The following MYO5A variants were observed in gnomAD, a reference collection of about 807,000 sequenced individuals.
MYO5A encodes myosin VA.
In MYO5A, 98 loss-of-function variants were observed where a neutral mutation model predicts 249.7. The ratio of observed to expected loss-of-function variants is 0.39; its 90% CI spans 0.33 to 0.46. MYO5A has a LOEUF of 0.46. MYO5A is among the 20% of genes least tolerant of loss of function. The pLI is 0.98. For synonymous variants in MYO5A, 778 were observed against 810.6 expected (o/e 0.96, Z 0.68); for missense variants, 1,696 against 2,308.8 (o/e 0.73, Z 5.44).
In MYO5A at chr15:52,311,577, T is replaced by C. The variant is rs925794877; in HGVS notation, c.*2119A>G. 2.0e-5 allele frequency: 3 copies of C among 152,206 alleles called. No homozygotes were observed. The highest frequency in any genetic ancestry group is 4.8e-5 in the African/African-American group (2 of 41,442). The allele number at this position is 152,206 out of a possible 1,614,324, so 9.4% of individuals were successfully genotyped here. ...TAAACTAATTATAATACAAATATAG[T>C]AGGACCTTCTAAAAGCATGTACATA... On this transcript the variant is annotated 3_prime_UTR_variant, in exon 42 of 42. Coordinates refer to ENST00000399233, the MANE Select transcript of MYO5A (RefSeq NM_001382347.1).
At chr15:52,397,982 A>C (rs906511497) in intron 9 of MYO5A, among the ~76,000 whole-genome samples, 1 of 152,222 alleles carries the variant, frequency 6.6e-6, no homozygotes, top group East Asian at 1.9e-4. Context: ...AGTTGCCTTG[A>C]GAAAAGGAAG....
intron 5 of MYO5A, chr15:52,415,902 G>A (rs115518387): frequency 5.8e-4 from 303 of 522,832 alleles, no homozygotes; most frequent in African/African-American, 5.2e-3. Context: ...AATTTTGCTG[G>A]TAGGTCAAAA....
chr15:52,511,340 A>C (rs1280205909), intron 1 of MYO5A, among the ~76,000 whole-genome samples: 1 of 152,264 alleles, frequency 6.6e-6, no homozygotes, highest in East Asian at 1.9e-4. Context: ...ACTCCTTTTC[A>C]GATCTTTCCA....
chr15:52,375,594 G>T, intron 19 of MYO5A, 134 bp from the exon 20 acceptor site: 1 of 943,610 alleles, frequency 1.1e-6, no homozygotes, highest in Non-Finnish European at 1.6e-6. Context: ...TAATGTGCAT[G>T]CTAAGTCAAC....
At chr15:52,528,716 C>G in intron 1 of MYO5A, 64 bp downstream of exon 1, 1 of 1,477,694 alleles carries the variant, frequency 6.8e-7, no homozygotes, top group Non-Finnish European at 8.9e-7. Context: ...CCCTCCCCAG[C>G]CTGACAGCTG....
chr15:52,436,897 G>C (rs1282808877), intron 1 of MYO5A, among the ~76,000 whole-genome samples: 1 of 152,180 alleles, frequency 6.6e-6, no homozygotes, highest in Non-Finnish European at 1.5e-5. Flanking sequence ...TCTACTCCCA[G>C]GGCCACCAGA....
At chr15:52,327,551 T>A (rs928872306) in intron 36 of MYO5A, among the ~76,000 whole-genome samples, 2 of 151,898 alleles carry the variant, frequency 1.3e-5, no homozygotes, top group Admixed American at 6.6e-5. Flanking sequence ...CTACAAAACA[T>A]AAAAAATTAG....
chr15:52,385,501 CAGA>C (rs1382656698), intron 14 of MYO5A, among the ~76,000 whole-genome samples: 5 of 151,948 alleles, frequency 3.3e-5, no homozygotes, highest in African/African-American at 1.2e-4. Flanking sequence ...GATGTGGCCA[CAGA>C]AGATTTCTTT....
chr15:52,353,711 A>G (rs780516408), intron 26 of MYO5A, 53 bp from the exon 27 acceptor site: 2 of 1,594,682 alleles, frequency 1.3e-6, no homozygotes, highest in Non-Finnish European at 1.7e-6. Context: ...TACTCTTAAA[A>G]TATTTACTTG....
At chr15:52,330,627 C>G in intron 34 of MYO5A, 128 bp from the exon 35 acceptor site, 1 of 1,081,382 alleles carries the variant, frequency 9.2e-7, no homozygotes, top group Admixed American at 2.4e-5. Context: ...ACTTAATTGC[C>G]TTCTCTTAAA....
intron 34 of MYO5A, among the ~76,000 whole-genome samples, chr15:52,336,077 G>A (rs550847089): frequency 7.9e-5 from 12 of 152,128 alleles, no homozygotes; most frequent in Non-Finnish European, 1.6e-4. Context: ...GAAAGCACAG[G>A]CATACAGAGG....
chr15:52,477,380 C>G (rs181586651), intron 1 of MYO5A, among the ~76,000 whole-genome samples: 1 of 152,094 alleles, frequency 6.6e-6, no homozygotes, highest in African/African-American at 2.4e-5. Context: ...ACTGATCTTC[C>G]GAAGCCTTCT....
At chr15:52,520,007 G>A (rs971153656) in intron 1 of MYO5A, among the ~76,000 whole-genome samples, 1 of 152,220 alleles carries the variant, frequency 6.6e-6, no homozygotes, top group Middle Eastern at 3.4e-3. Context: ...GAGGATTACA[G>A]GCATGAGCCA....
At chr15:52,506,979 AAG>A in intron 1 of MYO5A, among the ~76,000 whole-genome samples, 1 of 152,364 alleles carries the variant, frequency 6.6e-6, no homozygotes, top group East Asian at 1.9e-4. Flanking sequence ...GGATGGAAGA[AAG>A]AGAGTATATA....
chr15:52,343,013 A>C, intron 31 of MYO5A, 104 bp downstream of exon 31: 2 of 911,770 alleles, frequency 2.2e-6, no homozygotes, highest in East Asian at 4.8e-5. Flanking sequence ...TTACCCAAGA[A>C]GACAATCAAT....
At chr15:52,318,195 C>A (rs143474872) in intron 39 of MYO5A, among the ~76,000 whole-genome samples, 351 of 151,084 alleles carry the variant, frequency 2.3e-3, no homozygotes, top group African/African-American at 8.3e-3. Flanking sequence ...GTGGCTCACA[C>A]CTGTAATCCC....
intron 1 of MYO5A, chr15:52,505,156 G>C: frequency 1.4e-6 from 1 of 730,072 alleles, no homozygotes; most frequent in Non-Finnish European, 2.5e-6. Flanking sequence ...CCCTCAATTC[G>C]TACATGGAGA....
chr15:52,396,891 G>A (rs184074388), intron 10 of MYO5A, among the ~76,000 whole-genome samples: 1 of 152,082 alleles, frequency 6.6e-6, no homozygotes, highest in Non-Finnish European at 1.5e-5. Context: ...CCCAAATAAG[G>A]CAAACTAGCA....
intron 29 of MYO5A, among the ~76,000 whole-genome samples, chr15:52,346,844 T>A (rs2039660239): frequency 6.6e-6 from 1 of 151,620 alleles, no homozygotes; most frequent in Non-Finnish European, 1.5e-5. Context: ...AGGCACCTAT[T>A]TAATGGAATG....
Sources: allele counts gnomAD v4.1 joint callset (sites outside exome capture counted in the v4.1 genomes callset), GRCh38; gene constraint gnomAD v4.1.1; transcripts MANE v1.5; gene names NCBI Gene and HGNC (gene_info 2026-07-23, HGNC 2026-07-21).